The following MAP7D2 variants were observed in gnomAD, a reference collection of about 807,000 sequenced individuals.
MAP7D2 encodes MAP7 domain containing 2.
Under a neutral mutation model 63.5 loss-of-function variants are expected in MAP7D2, and 33 were observed. That is an observed-to-expected ratio of 0.52 (90% CI 0.39 to 0.70). The LOEUF (loss-of-function observed/expected upper bound fraction) is 0.70, where lower values mean the gene tolerates loss of function less well. Ranked by LOEUF, MAP7D2 falls within the 30% of genes least tolerant of loss-of-function variation. MAP7D2 has a pLI of 0.00. For missense variants in MAP7D2, 626 were observed against 604.0 expected, an observed-to-expected ratio of 1.04 and a Z score of -0.38; for synonymous variants, 224 against 223.7, an observed-to-expected ratio of 1.00 and a Z score of -0.01.
chrX:20,042,743 A>G (rs1210406078), intron 7 of MAP7D2, 114 bp from the exon 8 acceptor site: 5 of 910,302 alleles, frequency 5.5e-6, no homozygotes, highest in East Asian at 6.3e-5. Flanking sequence ...ATCGATATGA[A>G]GCTATAACGC....
At chrX:20,099,235 ACTCT>A (rs72039188) in intron 1 of MAP7D2, among the ~76,000 whole-genome samples, 19,910 of 93,307 alleles carry the variant, frequency 0.21, 1,900 homozygotes, top group Non-Finnish European at 0.26. Flanking sequence ...GCAAGTTTAT[ACTCT>A]CTCTCTCTCT....
chrX:20,058,900 T>A (rs1157961938), intron 3 of MAP7D2, among the ~76,000 whole-genome samples: 1 of 112,070 alleles, frequency 8.9e-6, no homozygotes, highest in African/African-American at 3.2e-5. Context: ...TATTGCCTCG[T>A]GTTTGTGTGT....
At chrX:20,053,510 T>C (rs1388424365) in intron 4 of MAP7D2, among the ~76,000 whole-genome samples, 11 of 112,104 alleles carry the variant, frequency 9.8e-5, no homozygotes, top group East Asian at 8.4e-4. Flanking sequence ...CTTTAGCAGT[T>C]GGTTTTCCTT....
At chrX:20,031,530 G>C (rs2074050631) in intron 8 of MAP7D2, among the ~76,000 whole-genome samples, 1 of 109,983 alleles carries the variant, frequency 9.1e-6, no homozygotes, top group Non-Finnish European at 1.9e-5. Context: ...CAAAGGAGAG[G>C]GCGAGGCAGG....
chrX:20,116,147 G>A (rs1187440331), intron 1 of MAP7D2, among the ~76,000 whole-genome samples: 1 of 112,950 alleles, frequency 8.9e-6, no homozygotes, highest in Non-Finnish European at 1.9e-5. Flanking sequence ...GCCGCGGCCC[G>A]GCCACCTGAG....
intron 4 of MAP7D2, among the ~76,000 whole-genome samples, chrX:20,053,482 T>C (rs996487798): frequency 1.8e-5 from 2 of 112,203 alleles, no homozygotes; most frequent in African/African-American, 6.5e-5. Context: ...CAGAGTTGTA[T>C]TTAAAGCAGA....
intron 3 of MAP7D2, among the ~76,000 whole-genome samples, chrX:20,060,448 A>G (rs866787609): frequency 8.0e-5 from 7 of 87,815 alleles, no homozygotes; most frequent in Non-Finnish European, 1.2e-4. Context: ...GAAAGAAAGA[A>G]AGAAAGAAAG....
intron 5 of MAP7D2, among the ~76,000 whole-genome samples, chrX:20,052,109 C>G (rs2064966562): frequency 8.9e-6 from 1 of 112,437 alleles, no homozygotes; most frequent in Non-Finnish European, 1.9e-5. Flanking sequence ...TTGCTCTGCC[C>G]TTGGTGATAA....
chrX:20,110,700 G>A (rs892405385), intron 1 of MAP7D2, among the ~76,000 whole-genome samples: 7 of 108,067 alleles, frequency 6.5e-5, no homozygotes, highest in Non-Finnish European at 1.2e-4. Context: ...GGGAGGATGT[G>A]CATAGGTTAC....
chrX:20,085,778 C>T (rs901174636), intron 1 of MAP7D2, among the ~76,000 whole-genome samples: 16 of 112,331 alleles, frequency 1.4e-4, no homozygotes, highest in African/African-American at 5.2e-4. Flanking sequence ...GTGGTGCAAT[C>T]TTGGCTCACT....
chrX:20,053,083 G>GC (rs2064991606), intron 4 of MAP7D2, 95 bp from the exon 5 acceptor site: 1 of 581,500 alleles, frequency 1.7e-6, no homozygotes, highest in African/African-American at 2.2e-5. Context: ...CCTCATCCAC[G>GC]CACCTCCTAA....
chrX:20,115,239 TAA>T (rs748101570), intron 1 of MAP7D2, among the ~76,000 whole-genome samples: 40 of 70,037 alleles, frequency 5.7e-4, no homozygotes, highest in African/African-American at 9.5e-4. Context: ...TTGTTTCCAT[TAA>T]AAAAAAAAAA....
chrX:20,034,633 C>T (rs1357171563), intron 8 of MAP7D2, among the ~76,000 whole-genome samples: 1 of 111,386 alleles, frequency 9.0e-6, no homozygotes, highest in Non-Finnish European at 1.9e-5. Context: ...CCCTTGCGCC[C>T]CTTCCATCAT....
At chrX:20,044,594 G>A in intron 6 of MAP7D2, 70 bp from the exon 7 acceptor site, 1 of 968,515 alleles carries the variant, frequency 1.0e-6, no homozygotes, top group Non-Finnish European at 1.5e-6. Context: ...AGAGAGTTGG[G>A]AAGAACACAT....
At chrX:20,083,748 T>C (rs2065835008) in intron 1 of MAP7D2, among the ~76,000 whole-genome samples, 1 of 111,921 alleles carries the variant, frequency 8.9e-6, no homozygotes, top group Non-Finnish European at 1.9e-5. Flanking sequence ...TCTAATACTG[T>C]GGTTCTCAAC....
Position 20,053,079 on chromosome X carries a change from C to A in MAP7D2, c.485-91G>T, listed in dbSNP as rs745988898. On this transcript the variant is annotated intron_variant, in intron 4 of 16. Coordinates refer to ENST00000379643, the MANE Select transcript of MAP7D2 (RefSeq NM_001168465.2). ...CCCGAAGTGTCCTTCCTGTCCTCAT[C>A]CACGCACCTCCTAAATGCTGTGGCA... 25 of 587,835 alleles carry A rather than the reference C, an allele frequency of 4.3e-5. No homozygotes were observed. The African/African-American group carries it at 4.9e-4, about 12-fold the overall frequency. 48.4% of individuals were successfully genotyped at this position (587,835 alleles called of 1,213,427 possible). A position where few individuals can be genotyped will look rare whatever the true frequency, so the allele number is the denominator to read the frequency against.
At chrX:20,012,994 C>A in intron 14 of MAP7D2, 60 bp downstream of exon 14, 1 of 1,003,600 alleles carries the variant, frequency 1.0e-6, no homozygotes, top group East Asian at 3.1e-5. Flanking sequence ...TACCCTACAC[C>A]AAGTCTTACG....
At chrX:20,114,937 CT>C (rs1287574406) in intron 1 of MAP7D2, among the ~76,000 whole-genome samples, 1 of 111,972 alleles carries the variant, frequency 8.9e-6, no homozygotes. Flanking sequence ...TCTAAGGAGA[CT>C]TTACTTAAGT....
chrX:20,081,832 T>C (rs1314087656), intron 1 of MAP7D2, among the ~76,000 whole-genome samples: 13 of 111,165 alleles, frequency 1.2e-4, no homozygotes, highest in Non-Finnish European at 2.3e-4. Flanking sequence ...GTATTTTTAG[T>C]AGAGGCGAAG....
Sources: gnomAD v4.1 joint callset for allele counts (sites outside exome capture counted in the v4.1 genomes callset) on GRCh38, gnomAD v4.1.1 for gene constraint, MANE v1.5 for transcripts, NCBI Gene and HGNC (gene_info 2026-07-23, HGNC 2026-07-21) for gene names.